The following LTBP1 variants were observed in gnomAD, a reference collection of about 807,000 sequenced individuals.
The protein encoded by LTBP1 is latent transforming growth factor beta binding protein 1.
LTBP1 carries 129 observed loss-of-function variants against 207.6 expected under a neutral mutation model. The observed-to-expected ratio is 0.62, with a 90% CI of 0.54 to 0.72. LTBP1 has a LOEUF of 0.72. Ranked by LOEUF, LTBP1 falls within the 30% of genes least tolerant of loss-of-function variation. The pLI is 0.00. For missense variants in LTBP1, 2,281 were observed against 2,217.2 expected, an observed-to-expected ratio of 1.03 and a Z score of -0.58; for synonymous variants, 963 against 833.7, an observed-to-expected ratio of 1.16 and a Z score of -2.67.
At chr2:33,224,178 C>T (rs535719996) in intron 9 of LTBP1, among the ~76,000 whole-genome samples, 4 of 152,288 alleles carry the variant, frequency 2.6e-5, no homozygotes, top group African/African-American at 9.6e-5. Flanking sequence ...TATCAGATCA[C>T]CTCTGTGGAC....
intron 26 of LTBP1, among the ~76,000 whole-genome samples, chr2:33,359,485 G>T (rs762682590): frequency 2.0e-5 from 3 of 152,052 alleles, no homozygotes; most frequent in African/African-American, 7.2e-5. Context: ...TCAAAACAAA[G>T]GTAAGTGTAA....
chr2:33,389,290 C>A lies in LTBP1; in HGVS notation c.4818C>A (p.Pro1606=). The A allele has an allele frequency of 6.2e-7, 1 of 1,614,192 alleles. No individual in the cohort carries two copies. Among genetic ancestry groups the A allele is most frequent in the Non-Finnish European group, 8.5e-7 (1 of 1,180,026 alleles). The part of the protein sequence containing the change: ...FSEQYTPEAD[P]YFIQDRFLNS... Reference sequence around the variant, plus strand: ...AACAGTATACTCCAGAAGCCGATCCCTACTTCATCCAAGACCGTAAGCAAA... The same window carrying A: ...AACAGTATACTCCAGAAGCCGATCCATACTTCATCCAAGACCGTAAGCAAA... The change falls in exon 32 of 34, where the codon CCC becomes CCA. Residue 1606 remains proline (P), a synonymous_variant. Transcript: ENST00000404816.
intron 15 of LTBP1, among the ~76,000 whole-genome samples, 173 bp downstream of exon 15, chr2:33,263,565 A>C (rs1243520635): frequency 6.6e-6 from 1 of 152,254 alleles, no homozygotes; most frequent in Non-Finnish European, 1.5e-5. Context: ...GAAATAAATT[A>C]TAGTATATAT....
chr2:33,103,085 T>C (rs192063175), intron 3 of LTBP1, among the ~76,000 whole-genome samples: 86 of 152,226 alleles, frequency 5.6e-4, no homozygotes, highest in African/African-American at 2.0e-3. Context: ...CTGTATGCTG[T>C]ATGCACTGTT....
intron 32 of LTBP1, among the ~76,000 whole-genome samples, chr2:33,394,872 A>G (rs1034322251): frequency 2.0e-5 from 3 of 152,226 alleles, no homozygotes; most frequent in African/African-American, 7.2e-5. Context: ...CTTTGTATTC[A>G]TAAGTTCTTA....
At chr2:33,177,202 G>A (rs2086152334) in intron 5 of LTBP1, among the ~76,000 whole-genome samples, 1 of 152,172 alleles carries the variant, frequency 6.6e-6, no homozygotes, top group Admixed American at 6.5e-5. Flanking sequence ...ATCGACTCAT[G>A]TTATATTTTC....
chr2:33,279,780 A>G (rs963309691), intron 18 of LTBP1, among the ~76,000 whole-genome samples: 1 of 152,216 alleles, frequency 6.6e-6, no homozygotes, highest in Non-Finnish European at 1.5e-5. Context: ...CCCAGAGTGG[A>G]GAGGCCAGGT....
In LTBP1 at chr2:33,082,436, T is replaced by A. The variant is rs1166481499; in HGVS notation, c.864-28146T>A. 0.017 allele frequency among the ~76,000 whole-genome samples: 116 copies of A among 6,982 alleles called. 15 individuals carry two copies. In the East Asian group the frequency reaches 0.2, roughly 12 times the overall value. The allele number at this position is 6,982 out of a possible 152,430, so 4.6% of individuals were successfully genotyped here. On this transcript the variant is annotated intron_variant, in intron 3 of 33. Transcript: ENST00000404816. The stretch of plus-strand genomic sequence containing the variant: ...CCGTGGCTAAAGTATGACTCACTTT[T>A]TTTTTTTTTTTTTTTTTTTTTTTTT...
At chr2:33,378,842 A>G (rs2095177087) in intron 31 of LTBP1, among the ~76,000 whole-genome samples, 1 of 152,206 alleles carries the variant, frequency 6.6e-6, no homozygotes, top group Admixed American at 6.5e-5. Flanking sequence ...GATGAAGTAA[A>G]TTTTATTCTC....
At chr2:33,391,114 G>A (rs933799664) in intron 32 of LTBP1, among the ~76,000 whole-genome samples, 1 of 147,322 alleles carries the variant, frequency 6.8e-6, no homozygotes, top group Non-Finnish European at 1.5e-5. Flanking sequence ...TCATCTGGTA[G>A]AATTAAAAAT....
At chr2:33,335,509 T>A (rs1415311746) in intron 24 of LTBP1, among the ~76,000 whole-genome samples, 1 of 152,236 alleles carries the variant, frequency 6.6e-6, no homozygotes, top group Admixed American at 6.5e-5. Context: ...GGACCTTTTT[T>A]AAAAGGATCT....
intron 3 of LTBP1, among the ~76,000 whole-genome samples, chr2:33,089,841 T>C (rs1031473178): frequency 6.6e-6 from 1 of 152,232 alleles, no homozygotes; most frequent in Non-Finnish European, 1.5e-5. Flanking sequence ...TAACATTTGC[T>C]TTTCAAACAG....
At chr2:33,198,359 C>CT (rs1316537948) in intron 7 of LTBP1, among the ~76,000 whole-genome samples, 47 of 152,204 alleles carry the variant, frequency 3.1e-4, no homozygotes, top group Non-Finnish European at 2.9e-4. Context: ...CTAAAATTCT[C>CT]TTTTTTGGTT....
chr2:33,398,827 T>A lies in LTBP1; in HGVS notation c.*282T>A. On this transcript the variant is annotated 3_prime_UTR_variant, in exon 34 of 34. Coordinates refer to ENST00000404816, the MANE Select transcript of LTBP1 (RefSeq NM_206943.4). ...AGTGCTGTTATTTTAAACAGAAGGT[T>A]GTATTATTATGTTGTTTTGTTTTTT... is the stretch of plus-strand genomic sequence containing the variant. 4.3e-6 allele frequency: 1 copy of A among 230,538 alleles called. No individual in the cohort carries two copies. The highest frequency in any genetic ancestry group is 8.4e-5 in the East Asian group (1 of 11,938). The allele number at this position is 230,538 out of a possible 1,614,324, so 14.3% of individuals were successfully genotyped here. A position where few individuals can be genotyped will look rare whatever the true frequency, so the allele number is the denominator to read the frequency against.
At chr2:33,128,047 G>A (rs2081540891) in intron 4 of LTBP1, among the ~76,000 whole-genome samples, 1 of 152,182 alleles carries the variant, frequency 6.6e-6, no homozygotes, top group Non-Finnish European at 1.5e-5. Flanking sequence ...TTTTCAAAGT[G>A]TGTGGTAGAG....
chr2:33,379,977 A>T (rs2095193616), intron 31 of LTBP1, among the ~76,000 whole-genome samples: 1 of 152,214 alleles, frequency 6.6e-6, no homozygotes, highest in Non-Finnish European at 1.5e-5. Flanking sequence ...GTTAAAACAC[A>T]ATTTTCTTTA....
chr2:33,145,171 G>C (rs886856531), intron 5 of LTBP1, among the ~76,000 whole-genome samples: 1 of 151,894 alleles, frequency 6.6e-6, no homozygotes, highest in African/African-American at 2.4e-5. Context: ...ATGGTTTACT[G>C]TTCAACCTCA....
At chr2:33,049,909 A>G (rs915707675) in intron 3 of LTBP1, among the ~76,000 whole-genome samples, 43 of 151,404 alleles carry the variant, frequency 2.8e-4, no homozygotes, top group Non-Finnish European at 8.8e-5. Context: ...TGGTGTGATC[A>G]CAGCTCACTG....
chr2:33,171,439 G>A (rs202112914), intron 5 of LTBP1, among the ~76,000 whole-genome samples: 1,953 of 148,398 alleles, frequency 0.013, 19 homozygotes, highest in East Asian at 0.032. Flanking sequence ...GAAATGAAGC[G>A]AGAAGGGAAG....
Sources: allele counts gnomAD v4.1 joint callset (sites outside exome capture counted in the v4.1 genomes callset), GRCh38; gene constraint gnomAD v4.1.1; transcripts MANE v1.5; gene names NCBI Gene and HGNC (gene_info 2026-07-23, HGNC 2026-07-21).